Variants in AMBRA1 observed in about 807,000 individuals in gnomAD.
AMBRA1 encodes the protein activating molecule in BECN1-regulated autophagy protein 1.
A neutral mutation model predicts 125.4 loss-of-function variants in AMBRA1; 47 were observed. The observed-to-expected ratio is 0.37, with a 90% CI of 0.30 to 0.48. The LOEUF (loss-of-function observed/expected upper bound fraction) is 0.48, where lower values mean the gene tolerates loss of function less well. Ranked by LOEUF, AMBRA1 falls within the 20% of genes least tolerant of loss-of-function variation. The pLI, the probability that AMBRA1 is intolerant of heterozygous loss-of-function variation, is 0.99. For synonymous variants in AMBRA1, 626 were observed against 655.5 expected, an observed-to-expected ratio of 0.95 and a Z score of 0.69; for missense variants, 1,331 against 1,693.4, an observed-to-expected ratio of 0.79 and a Z score of 3.76.
At position 46,397,465 on chromosome 11, in the gene AMBRA1, T is replaced by C. The variant is rs1945508777; in HGVS notation, c.3882A>G (p.Glu1294=). Residue 1294 remains glutamate (E), a synonymous_variant, in exon 18 of 18, where the codon GAA becomes GAG. Coordinates refer to ENST00000683756, the MANE Select transcript of AMBRA1 (RefSeq NM_001387011.1). The part of the protein sequence containing the change: ...SRGDAAGPRG[E]PRNR ...ACGTTTGTCTCTACCTGTTCCGTGG[T>C]TCTCCCCTAGGGCCTGCAGCGTCCC... 3 of 1,505,402 alleles carry C rather than the reference T, an allele frequency of 2.0e-6. No homozygotes were observed. Among genetic ancestry groups the C allele is most frequent in the African/African-American group, 1.4e-5 (1 of 71,428 alleles). The allele number at this position is 1,505,402 out of a possible 1,614,324, so 93.3% of individuals were successfully genotyped here. A position where few individuals can be genotyped will look rare whatever the true frequency, so the allele number is the denominator to read the frequency against.
At chr11:46,408,375 C>A in intron 17 of AMBRA1, 138 bp downstream of exon 17, 1 of 873,992 alleles carries the variant, frequency 1.1e-6, no homozygotes, top group South Asian at 3.3e-5. Flanking sequence ...GAAACCATGT[C>A]GCTGCTGAGG....
intron 7 of AMBRA1, among the ~76,000 whole-genome samples, chr11:46,521,742 G>T (rs1951768872): frequency 6.6e-6 from 1 of 152,126 alleles, no homozygotes; most frequent in African/African-American, 2.4e-5. Context: ...TAGTTTGAGG[G>T]GTGCACTTAA....
chr11:46,451,530 T>G (rs779792273), intron 11 of AMBRA1, among the ~76,000 whole-genome samples: 54 of 152,256 alleles, frequency 3.5e-4, no homozygotes, highest in Non-Finnish European at 6.2e-4. Flanking sequence ...AAAAGTATGA[T>G]TCAACAGTTC....
intron 4 of AMBRA1, among the ~76,000 whole-genome samples, chr11:46,546,729 G>A (rs868243413): frequency 6.6e-6 from 1 of 152,044 alleles, no homozygotes; most frequent in Admixed American, 6.5e-5. Context: ...ATCTGGCTAG[G>A]CTCTTCCAGA....
chr11:46,404,190 A>C (rs966951199), intron 17 of AMBRA1, among the ~76,000 whole-genome samples: 1 of 152,204 alleles, frequency 6.6e-6, no homozygotes, highest in African/African-American at 2.4e-5. Context: ...TCTTGTCTCA[A>C]AAAATAAAAA....
chr11:46,462,855 G>A (rs1206416707), intron 11 of AMBRA1, among the ~76,000 whole-genome samples: 2 of 151,934 alleles, frequency 1.3e-5, no homozygotes, highest in South Asian at 2.1e-4. Flanking sequence ...AGGTTCAAGC[G>A]ATTCTCCTTG....
intron 1 of AMBRA1, among the ~76,000 whole-genome samples, chr11:46,576,236 A>G (rs1487046341): frequency 1.3e-5 from 2 of 152,188 alleles, no homozygotes; most frequent in Non-Finnish European, 2.9e-5. Flanking sequence ...CCTGCTCTCT[A>G]TTGATTACTG....
chr11:46,515,039 C>T (rs577544758), intron 7 of AMBRA1, among the ~76,000 whole-genome samples: 1 of 152,338 alleles, frequency 6.6e-6, no homozygotes, highest in East Asian at 1.9e-4. Flanking sequence ...AGCTGACTAT[C>T]CTAGAATACC....
Position 46,418,020 on chromosome 11 carries a change from G to A in AMBRA1, c.3009C>T (p.Ala1003=), listed in dbSNP as rs779682643. The change falls in exon 15 of 18, where the codon GCC becomes GCT. Residue 1003 remains alanine (A), a synonymous_variant. Transcript: ENST00000683756. ...RVFNVLYPMP[A]DQRRHVSINS... ...TGATACTGACATGTCTCCGCTGGTC[G>A]GCAGGCATGGGATAAAGGACGTTGA... The A allele has an allele frequency of 1.9e-5, 31 of 1,605,856 alleles. No homozygotes were observed. Among genetic ancestry groups the A allele is most frequent in the Admixed American group, 3.3e-5 (2 of 59,710 alleles).
intron 10 of AMBRA1, 30 bp downstream of exon 10, chr11:46,494,094 T>TC (rs1950552139): frequency 6.3e-7 from 1 of 1,578,200 alleles, no homozygotes; most frequent in South Asian, 1.1e-5. Context: ...TAACGAAGGC[T>TC]CCCTCTGTTG....
At chr11:46,560,827 A>C (rs1480089477) in intron 1 of AMBRA1, among the ~76,000 whole-genome samples, 1 of 152,208 alleles carries the variant, frequency 6.6e-6, no homozygotes, top group East Asian at 1.9e-4. Context: ...GTAGCTTCTG[A>C]TGGAAGAAAT....
chr11:46,585,661 ATC>A (rs1565327232), intron 1 of AMBRA1, among the ~76,000 whole-genome samples: 1 of 32,374 alleles, frequency 3.1e-5, no homozygotes, highest in Non-Finnish European at 5.7e-5. Flanking sequence ...GCAAGACTCC[ATC>A]TCAAAAAAAA....
chr11:46,397,413 G>T lies in AMBRA1; in HGVS notation c.*37C>A. 6.8e-7 allele frequency: 1 copy of T among 1,469,028 alleles called. No individual in the cohort carries two copies. 91.0% of individuals were successfully genotyped at this position (1,469,028 alleles called of 1,614,324 possible). ...CAGCTGTGAGGTCCGGTTTCTGCTT[G>T]GCGGTTCGAGGGGAGGCACCAGTGC... On this transcript the variant is annotated 3_prime_UTR_variant, in exon 18 of 18. Transcript: ENST00000683756.
At chr11:46,591,625 G>A (rs983184180) in intron 1 of AMBRA1, among the ~76,000 whole-genome samples, 1 of 152,078 alleles carries the variant, frequency 6.6e-6, no homozygotes, top group Non-Finnish European at 1.5e-5. Context: ...GGGAGGCCAA[G>A]GCAGGTGGAT....
chr11:46,544,134 A>C, intron 5 of AMBRA1, 93 bp from the exon 6 acceptor site: 1 of 962,138 alleles, frequency 1.0e-6, no homozygotes, highest in Non-Finnish European at 1.6e-6. Context: ...AGCAATCATT[A>C]CTGATAACTG....
intron 1 of AMBRA1, among the ~76,000 whole-genome samples, chr11:46,552,565 A>C (rs1261818390): frequency 6.6e-6 from 1 of 151,048 alleles, no homozygotes; most frequent in Non-Finnish European, 1.5e-5. Context: ...CGCGCCTGTA[A>C]TCCCAGCTAC....
intron 15 of AMBRA1, among the ~76,000 whole-genome samples, chr11:46,413,458 C>A (rs1366419804): frequency 6.6e-6 from 1 of 152,158 alleles, no homozygotes; most frequent in Non-Finnish European, 1.5e-5. Flanking sequence ...GACACCCTCT[C>A]TGGCTACTGA....
intron 1 of AMBRA1, among the ~76,000 whole-genome samples, chr11:46,592,124 T>C (rs1209867961): frequency 6.6e-6 from 1 of 151,754 alleles, no homozygotes; most frequent in Admixed American, 6.6e-5. Flanking sequence ...TTTGAATTTT[T>C]AGGTTTCTCC....
intron 12 of AMBRA1, among the ~76,000 whole-genome samples, chr11:46,442,785 C>T (rs930354132): frequency 2.0e-5 from 3 of 152,200 alleles, no homozygotes; most frequent in African/African-American, 7.2e-5. Flanking sequence ...AGGCAACTGG[C>T]AAAGTCTTAT....
Sources: allele counts gnomAD v4.1 joint callset (sites outside exome capture counted in the v4.1 genomes callset), GRCh38; gene constraint gnomAD v4.1.1; transcripts MANE v1.5; gene names NCBI Gene and HGNC (gene_info 2026-07-23, HGNC 2026-07-21).